Variants in ZNF697 observed in about 807,000 individuals in gnomAD.
The protein encoded by ZNF697 is zinc finger protein 697.
Under a neutral mutation model 32.4 loss-of-function variants are expected in ZNF697, and 23 were observed. That is an observed-to-expected ratio of 0.71 (90% CI 0.51 to 1.01). ZNF697 has a LOEUF of 1.01. Among genes scored for constraint, ZNF697 ranks in the 50% least tolerant of loss-of-function variants. ZNF697 has a pLI of 0.00. For synonymous variants in ZNF697, 418 were observed against 337.2 expected, an observed-to-expected ratio of 1.24 and a Z score of -2.62; for missense variants, 930 against 794.0, an observed-to-expected ratio of 1.17 and a Z score of -2.06.
In ZNF697 at chr1:119,623,550, C is replaced by T; in HGVS notation, c.793G>A (p.Glu265Lys). The stretch of plus-strand genomic sequence containing the variant: ...TTGCGGCTGAAGCCCTTGCCGCACT[C>T]CCCGCAGCGGAAGGGCTTTTCGCGC... ...PPREKPFRCG[E>K]CGKGFSRNTY... The change falls in exon 3 of 3, where the codon GAG (glutamate) becomes AAG (lysine). Residue 265 changes from glutamate (E) to lysine (K), a missense_variant. Transcript: ENST00000421812. 6.5e-7 allele frequency: 1 copy of T among 1,531,446 alleles called. No individual in the cohort carries two copies. The highest frequency in any genetic ancestry group is 8.8e-7 in the Non-Finnish European group (1 of 1,141,418). The allele number at this position is 1,531,446 out of a possible 1,614,324, so 94.9% of individuals were successfully genotyped here. A position where few individuals can be genotyped will look rare whatever the true frequency, so the allele number is the denominator to read the frequency against.
At chr1:119,628,440 G>A (rs1402779832) in intron 1 of ZNF697, among the ~76,000 whole-genome samples, 1 of 152,188 alleles carries the variant, frequency 6.6e-6, no homozygotes, top group Non-Finnish European at 1.5e-5. Context: ...TTTGAAGGCA[G>A]GGAGAGGGGA....
rs2101078459 is a variant in ZNF697 at position 119,623,702 on chromosome 1, G to A, written c.641C>T (p.Ala214Val). 1.3e-6 allele frequency: 2 copies of A among 1,529,662 alleles called. No individual in the cohort carries two copies. The highest frequency in any genetic ancestry group is 1.2e-5 in the South Asian group (1 of 83,672). The allele number at this position is 1,529,662 out of a possible 1,614,324, so 94.8% of individuals were successfully genotyped here. Residue 214 changes from alanine to valine, a missense_variant, in exon 3 of 3, where the codon GCT (alanine) becomes GTT (valine). Transcript: ENST00000421812. ...CAGGCTGGCGGCGGCAGCGGCCTCA[G>A]CCAGGCGGTGAATGCGCTGGTGCTG... ...FLQHQRIHRLAEAAAAASLEP... is the reference protein window; with the variant it reads ...FLQHQRIHRLVEAAAAASLEP...
In ZNF697 at chr1:119,647,775, C is replaced by G. The variant is rs993397777; in HGVS notation, c.-122G>C. On this transcript the variant is annotated 5_prime_UTR_variant, in exon 1 of 3. Transcript: ENST00000421812. ...CCCTTCGGTGGTCGGCGGGACGGTC[C>G]TATTCCCTCTTGCATCGCTGTCTCC... is the stretch of plus-strand genomic sequence containing the variant. 5.9e-5 allele frequency: 9 copies of G among 152,210 alleles called. No homozygotes were observed. Among genetic ancestry groups the G allele is most frequent in the Admixed American group, 3.3e-4 (5 of 15,258 alleles). The allele number at this position is 152,210 out of a possible 1,614,324, so 9.4% of individuals were successfully genotyped here.
intron 1 of ZNF697, among the ~76,000 whole-genome samples, chr1:119,639,572 T>C (rs1649010813): frequency 6.6e-6 from 1 of 152,130 alleles, no homozygotes; most frequent in Non-Finnish European, 1.5e-5. Context: ...CAGCAGCACC[T>C]GTAATGGTTA....
At chr1:119,633,674 T>C (rs1648846766) in intron 1 of ZNF697, among the ~76,000 whole-genome samples, 1 of 152,254 alleles carries the variant, frequency 6.6e-6, no homozygotes, top group East Asian at 1.9e-4. Flanking sequence ...AGAATAATGT[T>C]TGACCACAAA....
intron 1 of ZNF697, among the ~76,000 whole-genome samples, chr1:119,640,848 A>T (rs757330908): frequency 1.3e-5 from 2 of 152,240 alleles, no homozygotes; most frequent in African/African-American, 4.8e-5. Context: ...TGCATTTAAC[A>T]TTAAGAGTGG....
chr1:119,620,773 C>G lies in ZNF697; in HGVS notation c.*1932G>C, dbSNP rs1648284931. 6.6e-6 allele frequency: 1 copy of G among 152,640 alleles called. No individual in the cohort carries two copies. The highest frequency in any genetic ancestry group is 1.9e-4 in the East Asian group (1 of 5,194). The allele number at this position is 152,640 out of a possible 1,614,324, so 9.5% of individuals were successfully genotyped here. On this transcript the variant is annotated 3_prime_UTR_variant, in exon 3 of 3. Coordinates refer to ENST00000421812, the MANE Select transcript of ZNF697 (RefSeq NM_001080470.2). Reference sequence around the variant, plus strand: ...TTAAGTGTTTTTATAACCACAAAAACATGCTTTCCTACAGTCCCCAAAGAG... The same window carrying G: ...TTAAGTGTTTTTATAACCACAAAAAGATGCTTTCCTACAGTCCCCAAAGAG...
In ZNF697 at chr1:119,648,126, C is replaced by T. The variant is rs1263313460; in HGVS notation, c.-473G>A. Among the ~76,000 whole-genome samples, 1 of 152,066 alleles carries T rather than the reference C, an allele frequency of 6.6e-6. No individual in the cohort carries two copies. The highest frequency in any genetic ancestry group is 1.5e-5 in the Non-Finnish European group (1 of 67,998). On this transcript the variant is annotated 5_prime_UTR_variant, in exon 1 of 3. Transcript: ENST00000421812. ...GGGCACCGAGCGCCCCGGCCCGAGC[C>T]CCGCACCGCAGCGCGTCTGCCCTTG...
intron 2 of ZNF697, among the ~76,000 whole-genome samples, chr1:119,625,395 G>T (rs959039895): frequency 1.3e-5 from 2 of 152,192 alleles, no homozygotes; most frequent in African/African-American, 4.8e-5. Flanking sequence ...TGGGCACTTT[G>T]GGAATTAGCC....
intron 1 of ZNF697, among the ~76,000 whole-genome samples, chr1:119,637,606 GACA>G (rs1648959437): frequency 6.6e-6 from 1 of 152,174 alleles, no homozygotes; most frequent in South Asian, 2.1e-4. Flanking sequence ...TGGCTTTAGT[GACA>G]ACATTTCACT....
intron 1 of ZNF697, among the ~76,000 whole-genome samples, chr1:119,640,973 T>A (rs754578947): frequency 6.6e-6 from 1 of 152,144 alleles, no homozygotes; most frequent in African/African-American, 2.4e-5. Flanking sequence ...CTCACCTACA[T>A]AGAATCATCA....
intron 1 of ZNF697, among the ~76,000 whole-genome samples, chr1:119,640,553 C>T (rs1570948651): frequency 1.3e-5 from 2 of 152,162 alleles, no homozygotes; most frequent in African/African-American, 4.8e-5. Flanking sequence ...TATCAAATGC[C>T]CCTGTGTGGG....
intron 1 of ZNF697, among the ~76,000 whole-genome samples, chr1:119,628,621 A>T (rs1648669906): frequency 6.6e-6 from 1 of 152,200 alleles, no homozygotes; most frequent in Admixed American, 6.5e-5. Flanking sequence ...AGTTCCTGTC[A>T]CCCAGATACC....
At chr1:119,646,652 G>T (rs143731682) in intron 1 of ZNF697, among the ~76,000 whole-genome samples, 168 of 152,226 alleles carry the variant, frequency 1.1e-3, no homozygotes, top group African/African-American at 3.9e-3. Flanking sequence ...ATTCTTAAAG[G>T]TTCATTTGGT....
Position 119,620,740 on chromosome 1 carries a change from CA to C in ZNF697, c.*1964del, listed in dbSNP as rs1390378979. 2 of 152,622 alleles carry C rather than the reference CA, an allele frequency of 1.3e-5. No homozygotes were observed. Among genetic ancestry groups the C allele is most frequent in the Admixed American group, 1.3e-4 (2 of 15,278 alleles). 9.5% of individuals were successfully genotyped at this position (152,622 alleles called of 1,614,324 possible). ...AGGCATTATACAAGCCCAGAATTAT[CA>C]GGATTTTTAAGTGTTTTTATAACCA... On this transcript the variant is annotated 3_prime_UTR_variant, in exon 3 of 3. Transcript: ENST00000421812.
chr1:119,626,531 G>A (rs1446672013), intron 1 of ZNF697, among the ~76,000 whole-genome samples: 2 of 152,234 alleles, frequency 1.3e-5, no homozygotes, highest in African/African-American at 4.8e-5. Flanking sequence ...GTAGAGTGGG[G>A]ATTAAGCAAT....
At chr1:119,647,487 C>T (rs587601914) in intron 1 of ZNF697, among the ~76,000 whole-genome samples, 15 of 152,294 alleles carry the variant, frequency 9.8e-5, no homozygotes, top group African/African-American at 3.1e-4. Context: ...CAAAGCCGCT[C>T]ATTTGAGTGG....
chr1:119,643,041 G>T (rs952317498), intron 1 of ZNF697, among the ~76,000 whole-genome samples: 8 of 152,212 alleles, frequency 5.3e-5, no homozygotes, highest in Non-Finnish European at 1.2e-4. Flanking sequence ...GCTCTGAGAT[G>T]ATGAGCCAAA....
rs1648436779 is a variant in ZNF697, at chr1:119,623,498, A to C, written c.845T>G (p.Leu282Arg). 1 of 1,569,440 alleles carries C rather than the reference A, an allele frequency of 6.4e-7. No individual in the cohort carries two copies. ...RNTYLTNHLR[L>R]HTGERPNLCA... ...CAGGTTGGGCCGCTCGCCCGTGTGC[A>C]GGCGCAGGTGGTTGGTCAGGTAGGT... The change falls in exon 3 of 3, where the codon CTG becomes CGG. Residue 282 changes from leucine to arginine, a missense_variant. Coordinates refer to ENST00000421812, the MANE Select transcript of ZNF697 (RefSeq NM_001080470.2).
Sources: allele counts gnomAD v4.1 joint callset (sites outside exome capture counted in the v4.1 genomes callset), GRCh38; gene constraint gnomAD v4.1.1; transcripts MANE v1.5; gene names NCBI Gene and HGNC (gene_info 2026-07-23, HGNC 2026-07-21).